Variants in CDAN1 observed in about 807,000 individuals in gnomAD.
CDAN1 encodes codanin 1, also known as codanin-1.
Under a neutral mutation model 139.8 loss-of-function variants are expected in CDAN1, and 107 were observed. The observed-to-expected ratio is 0.77, with a 90% CI of 0.65 to 0.90. The LOEUF (loss-of-function observed/expected upper bound fraction) is 0.90. Ranked by LOEUF, CDAN1 falls within the 40% of genes least tolerant of loss-of-function variation. The pLI is 0.00. For synonymous variants in CDAN1, 776 were observed against 660.6 expected (o/e 1.17, Z -2.68); for missense variants, 1,667 against 1,575.7 (o/e 1.06, Z -0.98).
intron 1 of CDAN1, 74 bp from the exon 2 acceptor site, chr15:42,736,854 AGGGC>A: frequency 6.9e-7 from 1 of 1,454,202 alleles, no homozygotes; most frequent in East Asian, 3.0e-5. Flanking sequence ...CCGGGGCCGT[AGGGC>A]GCGCCTCGGG....
At chr15:42,729,174 C>A (rs766885912) in intron 18 of CDAN1, 48 bp from the exon 19 acceptor site, 2 of 1,606,800 alleles carry the variant, frequency 1.2e-6, no homozygotes, top group South Asian at 2.2e-5. Flanking sequence ...GCCTCCCTGT[C>A]CCCGCCCCCA....
At chr15:42,735,010 T>C in intron 6 of CDAN1, 90 bp downstream of exon 6, 2 of 860,102 alleles carry the variant, frequency 2.3e-6, no homozygotes, top group Non-Finnish European at 3.9e-6. Flanking sequence ...CCACTGCCCC[T>C]GTGTTAAGCA....
intron 27 of CDAN1, chr15:42,724,850 G>C (rs1279523888): frequency 1.6e-6 from 1 of 611,786 alleles, no homozygotes; most frequent in Non-Finnish European, 2.9e-6. Context: ...GTACTACTGA[G>C]TGCATCTACT....
intron 6 of CDAN1, among the ~76,000 whole-genome samples, 193 bp from the exon 7 acceptor site, chr15:42,734,539 AC>A (rs2061661376): frequency 1.3e-5 from 2 of 152,348 alleles, no homozygotes; most frequent in South Asian, 4.1e-4. Context: ...CAGAGCAAGG[AC>A]CAAGACAGCA....
chr15:42,733,236 C>CCTTCCTG (rs760230048), intron 8 of CDAN1, 50 bp from the exon 9 acceptor site: 2 of 1,468,694 alleles, frequency 1.4e-6, no homozygotes, highest in African/African-American at 2.8e-5. Flanking sequence ...CCCACCAGTG[C>CCTTCCTG]CTTCCTGCCC....
In CDAN1 at chr15:42,736,734, C is replaced by T. The variant is rs1354648741; in HGVS notation, c.137G>A (p.Arg46Gln). The T allele has an allele frequency of 6.4e-7, 1 of 1,559,562 alleles. No individual in the cohort carries two copies. Among genetic ancestry groups the T allele is most frequent in the East Asian group, 2.5e-5 (1 of 39,852 alleles). ...AAALSSLRAL[R>Q]KEFVPFLLNF... is the part of the protein sequence containing the mutation. ...CAACAGGAACGGTACGAATTCTTTC[C>T]GCAGGGCCCGGAGTGAGCTCAGCGC... is the stretch of plus-strand genomic sequence containing the variant. The change falls in exon 2 of 28, where the codon CGG (arginine) becomes CAG (glutamine). Residue 46 changes from arginine (R) to glutamine (Q), a missense_variant. Coordinates refer to ENST00000356231, the MANE Select transcript of CDAN1 (RefSeq NM_138477.4).
chr15:42,729,922 A>ACGGCCCCCCCCCCCCCC, intron 15 of CDAN1, 37 bp from the exon 16 acceptor site: 1 of 1,513,176 alleles, frequency 6.6e-7, no homozygotes, highest in Non-Finnish European at 9.1e-7. Context: ...AACTTCAGAG[A>ACGGCCCCCCCCCCCCCC]CCCCCACCCA....
intron 10 of CDAN1, 116 bp downstream of exon 10, chr15:42,732,217 C>G: frequency 9.7e-7 from 1 of 1,026,846 alleles, no homozygotes. Flanking sequence ...AACTCTTGTT[C>G]AAATTCCAGC....
intron 1 of CDAN1, 94 bp from the exon 2 acceptor site, chr15:42,736,874 G>T: frequency 6.9e-7 from 1 of 1,446,900 alleles, no homozygotes. Context: ...TCGGGTGGGC[G>T]GCCCGGGCAG....
chr15:42,734,992 G>A, intron 6 of CDAN1, 108 bp downstream of exon 6: 1 of 768,004 alleles, frequency 1.3e-6, no homozygotes, highest in Non-Finnish European at 2.3e-6. Flanking sequence ...GTAGGAGAAG[G>A]TCCAGGACCA....
At chr15:42,728,627 G>C (rs764390055) in intron 20 of CDAN1, 25 bp downstream of exon 20, 1 of 1,613,108 alleles carries the variant, frequency 6.2e-7, no homozygotes, top group Non-Finnish European at 8.5e-7. Context: ...GAGGAGAGTG[G>C]ATCAAATGGA....
rs775586084 is a variant in CDAN1 at position 42,728,632 on chromosome 15, A to AATGGACCAGC, written c.2804+10_2804+19dup. 6.2e-7 allele frequency: 1 copy of AATGGACCAGC among 1,613,358 alleles called. No individual in the cohort carries two copies. Among genetic ancestry groups the AATGGACCAGC allele is most frequent in the East Asian group, 2.2e-5 (1 of 44,844 alleles). ...AGAAAGCCAAGAGGAGAGTGGATCAAATGGACCAGCGCTGCTTACTCCCGC... is the reference window on the plus strand; with the variant it reads ...AGAAAGCCAAGAGGAGAGTGGATCAAATGGACCAGCATGGACCAGCGCTGCTTACTCCCGC... On this transcript the variant is annotated intron_variant, in intron 20 of 27. Transcript: ENST00000356231.
chr15:42,727,953 A>G lies in CDAN1; in HGVS notation c.2947+2T>C. 6.2e-7 allele frequency: 1 copy of G among 1,613,470 alleles called. No homozygotes were observed. The highest frequency in any genetic ancestry group is 8.5e-7 in the Non-Finnish European group (1 of 1,179,490). ...CAGCCACTCCCCCATCCAGGACCTTACCTGTGATGTTGGCTGACAGCCAAG... is the reference window on the plus strand; with the variant it reads ...CAGCCACTCCCCCATCCAGGACCTTGCCTGTGATGTTGGCTGACAGCCAAG... On this transcript the variant is annotated splice_donor_variant, in intron 22 of 27. Transcript: ENST00000356231. LOFTEE classifies it high-confidence loss of function.
Position 42,731,625 on chromosome 15 carries a change from G to T in CDAN1, c.1734C>A (p.Ala578=), listed in dbSNP as rs1051747082. The change falls in exon 11 of 28, where the codon GCC becomes GCA. Residue 578 remains alanine (A), a synonymous_variant. Coordinates refer to ENST00000356231, the MANE Select transcript of CDAN1 (RefSeq NM_138477.4). ...CAAGACACAGGGGAGCCTACCTGCTGGCACTAAGGATGAAGTCCCTAAAGA... is the reference window on the plus strand; with the variant it reads ...CAAGACACAGGGGAGCCTACCTGCTTGCACTAAGGATGAAGTCCCTAAAGA... ...QGFFRDFILS[A]SSFQFNQHLM... is the part of the protein sequence containing the mutation. The T allele has an allele frequency of 3.1e-6, 5 of 1,613,998 alleles. No homozygotes were observed. Among genetic ancestry groups the T allele is most frequent in the Non-Finnish European group, 4.2e-6 (5 of 1,179,958 alleles).
intron 19 of CDAN1, 25 bp from the exon 20 acceptor site, chr15:42,728,835 G>A (rs774925862): frequency 3.1e-6 from 5 of 1,614,064 alleles, no homozygotes; most frequent in Non-Finnish European, 4.2e-6. Context: ...GCAAGGTTGG[G>A]GATGGTTGGA....
chr15:42,731,876 G>A, intron 10 of CDAN1, 51 bp from the exon 11 acceptor site: 1 of 1,529,324 alleles, frequency 6.5e-7, no homozygotes, highest in Non-Finnish European at 9.1e-7. Context: ...AAGTGGGAGG[G>A]AAGGACTGAA....
intron 24 of CDAN1, 69 bp from the exon 25 acceptor site, chr15:42,726,229 C>G (rs1466458250): frequency 1.7e-5 from 27 of 1,604,728 alleles, no homozygotes; most frequent in Admixed American, 1.3e-4. Context: ...AGAACTGGCC[C>G]TGAGCCAGTG....
chr15:42,734,333 G>C lies in CDAN1; in HGVS notation c.1150C>G (p.Leu384Val). 2 of 1,614,132 alleles carry C rather than the reference G, an allele frequency of 1.2e-6. No homozygotes were observed. Among genetic ancestry groups the C allele is most frequent in the Non-Finnish European group, 1.7e-6 (2 of 1,180,034 alleles). Residue 384 changes from leucine (L) to valine (V), a missense_variant, in exon 7 of 28, where the codon CTG becomes GTG. Physicochemically the swap from Leu to Val is conservative, Grantham distance 32 (BLOSUM62 1). Transcript: ENST00000356231. The stretch of plus-strand genomic sequence containing the variant: ...AGCAGCTTCAAGGTCCCTTTGTCCA[G>C]GTTGGAAAGAACCCTGCAGGGACAA... ...LECHFQVLSN[L>V]DKGTLKLLAE... is the part of the protein sequence containing the mutation.
intron 18 of CDAN1, 44 bp from the exon 19 acceptor site, chr15:42,729,170 C>T: frequency 6.2e-7 from 1 of 1,613,490 alleles, no homozygotes; most frequent in Non-Finnish European, 8.5e-7. Context: ...TCCAGCCTCC[C>T]TGTCCCCGCC....
Sources: allele counts gnomAD v4.1 joint callset (sites outside exome capture counted in the v4.1 genomes callset), GRCh38; gene constraint gnomAD v4.1.1; transcripts MANE v1.5; gene names NCBI Gene and HGNC (gene_info 2026-07-23, HGNC 2026-07-21).